KCNJ6: variants seen among roughly 807,000 people sequenced by gnomAD.
The protein encoded by KCNJ6 is G protein-activated inward rectifier potassium channel 2.
In KCNJ6, 9 loss-of-function variants were observed where a neutral mutation model predicts 34.2. The ratio of observed to expected loss-of-function variants is 0.26; its 90% CI spans 0.16 to 0.46. KCNJ6 has a LOEUF of 0.46. KCNJ6 is among the 20% of genes least tolerant of loss of function. The pLI, the probability that KCNJ6 is intolerant of heterozygous loss-of-function variation, is 1.00. For synonymous variants in KCNJ6, 196 were observed against 207.1 expected (o/e 0.95, Z 0.46); for missense variants, 236 against 531.3 (o/e 0.44, Z 5.46).
chr21:37,793,292 T>C (rs1270028733), intron 2 of KCNJ6, among the ~76,000 whole-genome samples: 1 of 152,120 alleles, frequency 6.6e-6, no homozygotes, highest in Non-Finnish European at 1.5e-5. Flanking sequence ...GAGTGGGTGT[T>C]AATACAACCA....
intron 3 of KCNJ6, among the ~76,000 whole-genome samples, chr21:37,705,173 A>C (rs2123441290): frequency 1.3e-5 from 2 of 152,214 alleles, no homozygotes; most frequent in East Asian, 3.9e-4. Flanking sequence ...GCATTAATGA[A>C]CTCGAATCAA....
At position 37,661,614 on chromosome 21, in the gene KCNJ6, G is replaced by GTTTTT. The variant is rs59026391; in HGVS notation, c.947-36135_947-36131dup. 5.8e-4 allele frequency among the ~76,000 whole-genome samples: 41 copies of GTTTTT among 71,186 alleles called. 12 individuals are homozygous for GTTTTT. Among genetic ancestry groups the GTTTTT allele is most frequent in the East Asian group, 1.8e-3 (4 of 2,170 alleles). The allele number at this position is 71,186 out of a possible 152,430, so 46.7% of individuals were successfully genotyped here. On this transcript the variant is annotated intron_variant, in intron 3 of 3. Coordinates refer to ENST00000609713, the MANE Select transcript of KCNJ6 (RefSeq NM_002240.5). ...TCCACCCATTTCCTTAAGAGACATA[G>GTTTTT]TTTTTTTTTTTTTTTTTTTTTTTTT...
chr21:37,683,896 A>T (rs1466715489), intron 3 of KCNJ6, among the ~76,000 whole-genome samples: 1 of 152,200 alleles, frequency 6.6e-6, no homozygotes, highest in Non-Finnish European at 1.5e-5. Context: ...GCACTGGCTG[A>T]GTGGGCAGGA....
Position 37,771,595 on chromosome 21 carries a change from T to C in KCNJ6, c.26-56464A>G, listed in dbSNP as rs142162978. On this transcript the variant is annotated intron_variant, in intron 2 of 3. Transcript: ENST00000609713. Reference sequence around the variant, plus strand: ...TGTGGGTGAGGTATCTGCTCATTAGTCTATGGTCCACCAGAGCCCCTGTAG... The same window carrying C: ...TGTGGGTGAGGTATCTGCTCATTAGCCTATGGTCCACCAGAGCCCCTGTAG... Among the ~76,000 whole-genome samples the C allele has an allele frequency of 3.3e-5, 5 of 152,330 alleles. No homozygotes were observed. The East Asian group carries it at 9.6e-4, about 29-fold the overall frequency.
intron 3 of KCNJ6, among the ~76,000 whole-genome samples, chr21:37,655,838 T>C (rs2054461420): frequency 6.6e-6 from 1 of 152,002 alleles, no homozygotes; most frequent in Non-Finnish European, 1.5e-5. Context: ...GAGGTCAGGG[T>C]TTGCACTTCT....
intron 2 of KCNJ6, 87 bp from the exon 3 acceptor site, chr21:37,715,218 T>G: frequency 2.7e-6 from 3 of 1,113,032 alleles, no homozygotes; most frequent in Non-Finnish European, 3.8e-6. Context: ...TATGGGCTGG[T>G]GAAACCAAAT....
intron 1 of KCNJ6, among the ~76,000 whole-genome samples, 192 bp from the exon 2 acceptor site, chr21:37,840,901 C>T (rs983060915): frequency 6.6e-6 from 1 of 152,088 alleles, no homozygotes; most frequent in Non-Finnish European, 1.5e-5. Flanking sequence ...ATTTTTAGGG[C>T]ATTAAAAAGC....
intron 1 of KCNJ6, among the ~76,000 whole-genome samples, chr21:37,868,926 G>A (rs2055636659): frequency 6.6e-6 from 1 of 152,222 alleles, no homozygotes; most frequent in Admixed American, 6.5e-5. Context: ...TGGCTCTCAA[G>A]CTGTGTGTTT....
In KCNJ6 at chr21:37,910,224, C is replaced by T. The variant is rs75228385; in HGVS notation, c.-28+5660G>A. Among the ~76,000 whole-genome samples the T allele has an allele frequency of 5.0e-3, 767 of 152,158 alleles. 28 individuals are homozygous for T. In the South Asian group the frequency reaches 0.074, roughly 15 times the overall value. On this transcript the variant is annotated intron_variant, in intron 1 of 3. Coordinates refer to ENST00000609713, the MANE Select transcript of KCNJ6 (RefSeq NM_002240.5). Reference sequence around the variant, plus strand: ...GTTGCTGTTACTGCCCCAAACTTGGCAAAAATGGACAGATACACCTAGACC... The same window carrying T: ...GTTGCTGTTACTGCCCCAAACTTGGTAAAAATGGACAGATACACCTAGACC...
intron 3 of KCNJ6, among the ~76,000 whole-genome samples, chr21:37,666,326 A>T (rs1195032368): frequency 6.6e-6 from 1 of 151,872 alleles, no homozygotes; most frequent in South Asian, 2.1e-4. Flanking sequence ...GGCTGAGCTG[A>T]CTCTCACGGT....
At chr21:37,702,002 G>A (rs2054693611) in intron 3 of KCNJ6, among the ~76,000 whole-genome samples, 1 of 152,142 alleles carries the variant, frequency 6.6e-6, no homozygotes, top group African/African-American at 2.4e-5. Flanking sequence ...GGAGGCTGAG[G>A]TGGGTGGATC....
At chr21:37,720,564 C>T (rs554752037) in intron 2 of KCNJ6, among the ~76,000 whole-genome samples, 31 of 152,272 alleles carry the variant, frequency 2.0e-4, no homozygotes, top group Admixed American at 7.8e-4. Flanking sequence ...CTAAGGAGAA[C>T]GGGACAGATG....
chr21:37,668,115 A>G (rs1471317039), intron 3 of KCNJ6, among the ~76,000 whole-genome samples: 1 of 152,132 alleles, frequency 6.6e-6, no homozygotes, highest in Non-Finnish European at 1.5e-5. Context: ...CCACAGCCCC[A>G]GGGCCTCAGC....
At chr21:37,725,218 C>T (rs919635076) in intron 2 of KCNJ6, among the ~76,000 whole-genome samples, 3 of 152,082 alleles carry the variant, frequency 2.0e-5, no homozygotes, top group African/African-American at 7.2e-5. Flanking sequence ...CATAGTGAAA[C>T]CCTGTCTCTA....
intron 2 of KCNJ6, among the ~76,000 whole-genome samples, chr21:37,766,300 C>T (rs1421893454): frequency 6.6e-6 from 1 of 152,152 alleles, no homozygotes; most frequent in East Asian, 1.9e-4. Context: ...TAAATATCCA[C>T]TCCAGAGTCC....
At chr21:37,819,275 T>C (rs904005881) in intron 2 of KCNJ6, among the ~76,000 whole-genome samples, 1 of 152,186 alleles carries the variant, frequency 6.6e-6, no homozygotes, top group African/African-American at 2.4e-5. Context: ...TCAGATCATG[T>C]GAGACAGAAA....
intron 3 of KCNJ6, among the ~76,000 whole-genome samples, chr21:37,627,726 T>A (rs2054317656): frequency 6.6e-6 from 1 of 152,164 alleles, no homozygotes. Flanking sequence ...GCTGTGCACA[T>A]GCCCAAGAAA....
chr21:37,795,062 TA>T (rs2055234709), intron 2 of KCNJ6, among the ~76,000 whole-genome samples: 1 of 152,128 alleles, frequency 6.6e-6, no homozygotes. Flanking sequence ...ACCAAAAACT[TA>T]AAATTCAAAC....
chr21:37,914,392 T>C (rs2836051), intron 1 of KCNJ6, among the ~76,000 whole-genome samples: 36,083 of 151,890 alleles, frequency 0.24, 6,863 homozygotes, highest in African/African-American at 0.53. Flanking sequence ...CGGAACCCGC[T>C]GAGGAACCAC....
Sources: gnomAD v4.1 joint callset for allele counts (sites outside exome capture counted in the v4.1 genomes callset) on GRCh38, gnomAD v4.1.1 for gene constraint, MANE v1.5 for transcripts, NCBI Gene and HGNC (gene_info 2026-07-23, HGNC 2026-07-21) for gene names.